Variants in STMN2 observed in about 807,000 individuals in gnomAD.
The protein encoded by STMN2 is stathmin 2.
Under a neutral mutation model 24.1 loss-of-function variants are expected in STMN2, and 2 were observed. The observed-to-expected ratio is 0.08, with a 90% CI of 0.03 to 0.26. The LOEUF (loss-of-function observed/expected upper bound fraction) is 0.26, where lower values mean the gene tolerates loss of function less well. Ranked by LOEUF, STMN2 falls within the 10% of genes least tolerant of loss-of-function variation. STMN2 has a pLI of 1.00. For missense variants in STMN2, 114 were observed against 213.6 expected (o/e 0.53, Z 2.91); for synonymous variants, 83 against 77.5 (o/e 1.07, Z -0.37).
intron 1 of STMN2, among the ~76,000 whole-genome samples, chr8:79,628,706 T>G (rs1172367158): frequency 6.6e-6 from 1 of 152,184 alleles, no homozygotes; most frequent in African/African-American, 2.4e-5. Context: ...TATGCCTTCC[T>G]TTGAGAACTG....
At chr8:79,650,072 C>A (rs1810301585) in intron 3 of STMN2, among the ~76,000 whole-genome samples, 1 of 152,124 alleles carries the variant, frequency 6.6e-6, no homozygotes, top group Non-Finnish European at 1.5e-5. Context: ...CTTTAGTCTC[C>A]CGGAACGTCA....
intron 4 of STMN2, chr8:79,663,544 G>A: frequency 7.2e-7 from 1 of 1,392,170 alleles, no homozygotes; most frequent in Non-Finnish European, 9.7e-7. Flanking sequence ...GACTCCTTGA[G>A]ATTAATAGAG....
chr8:79,638,336 T>C (rs1012340819), intron 2 of STMN2, among the ~76,000 whole-genome samples: 9 of 152,170 alleles, frequency 5.9e-5, no homozygotes, highest in East Asian at 5.8e-4. Flanking sequence ...ATATGTGAAG[T>C]TATGTGTGAG....
intron 2 of STMN2, among the ~76,000 whole-genome samples, chr8:79,638,717 A>G (rs908353956): frequency 3.3e-5 from 5 of 152,138 alleles, no homozygotes; most frequent in African/African-American, 1.2e-4. Flanking sequence ...CCATCTTTTA[A>G]ATGAGGAAAT....
chr8:79,650,812 G>A (rs573931065), intron 3 of STMN2, among the ~76,000 whole-genome samples: 4 of 152,180 alleles, frequency 2.6e-5, no homozygotes, highest in Non-Finnish European at 5.9e-5. Context: ...CGTGTTGCAC[G>A]CCTGTAGTCC....
At chr8:79,621,620 T>G (rs1200047559) in intron 1 of STMN2, among the ~76,000 whole-genome samples, 3 of 152,172 alleles carry the variant, frequency 2.0e-5, no homozygotes, top group African/African-American at 7.2e-5. Flanking sequence ...TTTGTTACAG[T>G]CAATCCACAT....
At chr8:79,641,926 G>A (rs559697274) in intron 3 of STMN2, among the ~76,000 whole-genome samples, 4 of 152,114 alleles carry the variant, frequency 2.6e-5, no homozygotes, top group African/African-American at 4.8e-5. Context: ...CAGCCCTGGC[G>A]AACTCCAGTG....
chr8:79,620,681 C>T (rs1449418498), intron 1 of STMN2, among the ~76,000 whole-genome samples: 3 of 152,032 alleles, frequency 2.0e-5, no homozygotes, highest in Non-Finnish European at 2.9e-5. Context: ...CATAATGATA[C>T]ACTAGTAACA....
chr8:79,647,351 G>A lies in STMN2; in HGVS notation c.288+5801G>A, dbSNP rs898926455. Among the ~76,000 whole-genome samples, 4 of 152,248 alleles carry A rather than the reference G, an allele frequency of 2.6e-5. No homozygotes were observed. The South Asian group carries it at 8.3e-4, about 32-fold the overall frequency. On this transcript the variant is annotated intron_variant, in intron 3 of 4. Transcript: ENST00000220876. ...GCTATAGATGTGAAATATGATTTCTGTTAGGGCTTTTTAAATTTAAAAAAA... is the reference window on the plus strand; with the variant it reads ...GCTATAGATGTGAAATATGATTTCTATTAGGGCTTTTTAAATTTAAAAAAA...
intron 1 of STMN2, among the ~76,000 whole-genome samples, chr8:79,634,577 A>G (rs1809895344): frequency 6.6e-6 from 1 of 152,226 alleles, no homozygotes; most frequent in African/African-American, 2.4e-5. Flanking sequence ...GTAGAGCTAG[A>G]AGAAAGCCTT....
chr8:79,639,029 T>C (rs530619946), intron 2 of STMN2, among the ~76,000 whole-genome samples: 1 of 152,308 alleles, frequency 6.6e-6, no homozygotes, highest in African/African-American at 2.4e-5. Flanking sequence ...ATTTCCAATA[T>C]AGTTATTGAG....
chr8:79,622,257 TTAAG>T (rs753157010), intron 1 of STMN2, among the ~76,000 whole-genome samples: 5 of 152,212 alleles, frequency 3.3e-5, no homozygotes, highest in Non-Finnish European at 5.9e-5. Context: ...CACATGGTTG[TTAAG>T]TAAGCAATTG....
At chr8:79,624,820 A>G (rs1385684649) in intron 1 of STMN2, among the ~76,000 whole-genome samples, 1 of 152,200 alleles carries the variant, frequency 6.6e-6, no homozygotes, top group Non-Finnish European at 1.5e-5. Context: ...GCTTTCCTTT[A>G]TCTTTCCTTC....
chr8:79,634,393 T>C (rs577165666), intron 1 of STMN2, among the ~76,000 whole-genome samples: 1 of 152,354 alleles, frequency 6.6e-6, no homozygotes, highest in East Asian at 1.9e-4. Context: ...TATCTCAGAA[T>C]GGATGTTCCA....
At chr8:79,629,800 A>G (rs2130329724) in intron 1 of STMN2, among the ~76,000 whole-genome samples, 1 of 152,296 alleles carries the variant, frequency 6.6e-6, no homozygotes, top group Admixed American at 6.5e-5. Flanking sequence ...ATCGATAAAT[A>G]TTACTTGGCA....
At chr8:79,643,067 G>A (rs932729995) in intron 3 of STMN2, among the ~76,000 whole-genome samples, 1 of 145,736 alleles carries the variant, frequency 6.9e-6, no homozygotes, top group Non-Finnish European at 1.5e-5. Context: ...TATTAATATT[G>A]TATATATGCC....
intron 1 of STMN2, chr8:79,611,738 T>G: frequency 1.0e-6 from 1 of 986,144 alleles, no homozygotes; most frequent in Non-Finnish European, 1.2e-6. Flanking sequence ...TGGGCACATT[T>G]TACGGTATTG....
intron 3 of STMN2, among the ~76,000 whole-genome samples, chr8:79,649,385 TA>T (rs1054389841): frequency 1.3e-5 from 2 of 152,190 alleles, no homozygotes; most frequent in African/African-American, 4.8e-5. Flanking sequence ...GGGCTCATTC[TA>T]AAGGTCTTAG....
Position 79,611,178 on chromosome 8 carries a change from C to A in STMN2, c.-18C>A, listed in dbSNP as rs374583712. On this transcript the variant is annotated 5_prime_UTR_variant, in exon 1 of 5. Coordinates refer to ENST00000220876, the MANE Select transcript of STMN2 (RefSeq NM_007029.4). ...ACCCTTTGCCTTCGCCACTGCTCAG[C>A]GTCTGCACATCCCTACAATGGCTAA... is the stretch of plus-strand genomic sequence containing the variant. 5.0e-6 allele frequency: 8 copies of A among 1,613,936 alleles called. No individual in the cohort carries two copies. In the African/African-American group the frequency reaches 9.3e-5, roughly 19 times the overall value.
Sources: gnomAD v4.1 joint callset for allele counts (sites outside exome capture counted in the v4.1 genomes callset) on GRCh38, gnomAD v4.1.1 for gene constraint, MANE v1.5 for transcripts, NCBI Gene and HGNC (gene_info 2026-07-23, HGNC 2026-07-21) for gene names.